The following CPLANE1 variants were observed in gnomAD, a reference collection of about 807,000 sequenced individuals.
The protein encoded by CPLANE1 is ciliogenesis and planar polarity effector 1.
In CPLANE1, 263 loss-of-function variants were observed where a neutral mutation model predicts 362.5. The observed-to-expected ratio is 0.73, with a 90% CI of 0.66 to 0.80. CPLANE1 has a LOEUF of 0.80. Among genes scored for constraint, CPLANE1 ranks in the 30% least tolerant of loss-of-function variants. The pLI is 0.00. For synonymous variants in CPLANE1, 1,212 were observed against 1,302.6 expected (o/e 0.93, Z 1.50); for missense variants, 3,461 against 3,793.4 (o/e 0.91, Z 2.30).
intron 48 of CPLANE1, 21 bp downstream of exon 48, chr5:37,122,409 G>T (rs1157400465): frequency 5.6e-6 from 9 of 1,602,784 alleles, no homozygotes; most frequent in Non-Finnish European, 6.0e-6. Context: ...GAAAACACAG[G>T]GTTACAGCTA....
chr5:37,244,816 C>G (rs764264441), intron 4 of CPLANE1, among the ~76,000 whole-genome samples: 2 of 151,946 alleles, frequency 1.3e-5, no homozygotes, highest in African/African-American at 4.8e-5. Flanking sequence ...GGAGACGGAT[C>G]GCTTTAGCCC....
chr5:37,127,621 C>T (rs1385209593), intron 46 of CPLANE1, among the ~76,000 whole-genome samples: 1 of 147,858 alleles, frequency 6.8e-6, no homozygotes, highest in Non-Finnish European at 1.5e-5. Context: ...CGGGTTTAAG[C>T]GATTCTCCTG....
intron 21 of CPLANE1, among the ~76,000 whole-genome samples, chr5:37,190,683 C>A (rs1263024836): frequency 6.6e-6 from 1 of 152,032 alleles, no homozygotes; most frequent in Admixed American, 6.5e-5. Flanking sequence ...TAGTCAGATG[C>A]CACATAATGG....
At chr5:37,162,133 T>C (rs1326148701) in intron 38 of CPLANE1, among the ~76,000 whole-genome samples, 1 of 152,222 alleles carries the variant, frequency 6.6e-6, no homozygotes, top group Non-Finnish European at 1.5e-5. Flanking sequence ...CTAGCTCACC[T>C]TCACTAGCCA....
chr5:37,195,962 G>C lies in CPLANE1; in HGVS notation c.3707C>G (p.Pro1236Arg), dbSNP rs1438970950. The stretch of plus-strand genomic sequence containing the variant: ...GTAATTAAGTAATGACTGAGGAAAA[G>C]GACTCAGTGAAGGAAGGGATCCTTT... ...RMKGSLPSLS[P>R]FPQSLLNYCK... The change falls in exon 21 of 53, where the codon CCT (proline) becomes CGT (arginine). Residue 1236 changes from proline (P) to arginine (R), a missense_variant. Physicochemically the swap from Pro to Arg is moderately radical, Grantham distance 103. Transcript: ENST00000651892. 4 of 1,609,122 alleles carry C rather than the reference G, an allele frequency of 2.5e-6. No individual in the cohort carries two copies. In the African/African-American group the frequency reaches 4.0e-5, roughly 16 times the overall value.
At chr5:37,247,194 G>A (rs1364549055) in intron 2 of CPLANE1, among the ~76,000 whole-genome samples, 1 of 152,070 alleles carries the variant, frequency 6.6e-6, no homozygotes, top group Non-Finnish European at 1.5e-5. Flanking sequence ...ACGTATTGTG[G>A]CCCATTTCTT....
At chr5:37,245,277 A>T (rs1739182311) in intron 4 of CPLANE1, among the ~76,000 whole-genome samples, 1 of 140,344 alleles carries the variant, frequency 7.1e-6, no homozygotes, top group Admixed American at 7.3e-5. Context: ...TCTCAGTATC[A>T]CAGATAAACA....
At chr5:37,186,166 A>G (rs1047836622) in intron 24 of CPLANE1, 120 bp downstream of exon 24, 5 of 573,338 alleles carry the variant, frequency 8.7e-6, no homozygotes, top group Non-Finnish European at 1.6e-5. Flanking sequence ...TCATACTCCT[A>G]TCTCAAGGAA....
At chr5:37,177,387 T>C (rs1781464042) in intron 30 of CPLANE1, among the ~76,000 whole-genome samples, 1 of 152,270 alleles carries the variant, frequency 6.6e-6, no homozygotes, top group Admixed American at 6.5e-5. Flanking sequence ...ATAAGGCTGA[T>C]AGTGATGAGA....
At chr5:37,115,072 T>C in intron 50 of CPLANE1, 23 bp from the exon 51 acceptor site, 2 of 1,418,058 alleles carry the variant, frequency 1.4e-6, no homozygotes, top group Non-Finnish European at 2.0e-6. Context: ...ACAAACATTA[T>C]TAGCCTTCCA....
chr5:37,141,656 T>G (rs969748090), intron 44 of CPLANE1: 28 of 982,404 alleles, frequency 2.9e-5, no homozygotes, highest in Non-Finnish European at 3.4e-5. Flanking sequence ...ATCATTTTAA[T>G]TGACCATCAA....
intron 27 of CPLANE1, among the ~76,000 whole-genome samples, chr5:37,180,458 TGATTG>T (rs1782385202): frequency 1.3e-5 from 2 of 152,214 alleles, no homozygotes; most frequent in Admixed American, 1.3e-4. Context: ...TTTACTCGAA[TGATTG>T]GAATAATTTC....
rs1757622556 is a variant in CPLANE1 at position 37,106,305 on chromosome 5, A to G, written c.*1297T>C. On this transcript the variant is annotated 3_prime_UTR_variant, in exon 53 of 53. Coordinates refer to ENST00000651892, the MANE Select transcript of CPLANE1 (RefSeq NM_001384732.1). ...GATATAGAATTGATATAAGTATCCA[A>G]CAATGGATAAATAGCTAGAAGAAAA... The G allele has an allele frequency of 6.5e-6, 1 of 153,074 alleles. No individual in the cohort carries two copies. The highest frequency in any genetic ancestry group is 1.5e-5 in the Non-Finnish European group (1 of 68,806). The allele number at this position is 153,074 out of a possible 1,614,324, so 9.5% of individuals were successfully genotyped here.
Position 37,122,466 on chromosome 5 carries a change from AT to A in CPLANE1, c.8980del (p.Ile2994Ter). Reference sequence around the variant, plus strand: ...ATGCTTCATCTTTTGTCTCAGCCTTATTTCCCTTGAAGTCATGTAAAGCTGC... The same window carrying A: ...ATGCTTCATCTTTTGTCTCAGCCTTATTCCCTTGAAGTCATGTAAAGCTGC... Reference protein sequence around the residue: ...SNPLYMTSREIRLRQKMKHEK... With the variant: ...SNPLYMTSREXRLRQKMKHEK... On this transcript the variant is annotated frameshift_variant, in exon 48 of 53. Transcript: ENST00000651892. LOFTEE classifies it high-confidence loss of function. 6.2e-7 allele frequency: 1 copy of A among 1,612,860 alleles called. No individual in the cohort carries two copies. Among genetic ancestry groups the A allele is most frequent in the Non-Finnish European group, 8.5e-7 (1 of 1,179,654 alleles).
At chr5:37,087,951 T>C in the CPLANE1 span, among the ~76,000 whole-genome samples, 1 of 151,982 alleles carries the variant, frequency 6.6e-6, no homozygotes, top group Non-Finnish European at 1.5e-5. Flanking sequence ...ATACAATGAG[T>C]TGTACGAACA....
chr5:37,214,496 A>AT (rs536118867), intron 15 of CPLANE1, among the ~76,000 whole-genome samples: 37 of 152,322 alleles, frequency 2.4e-4, no homozygotes, highest in Admixed American at 1.4e-3. Context: ...AATTATCAAA[A>AT]TTTACACAAA....
At chr5:37,240,775 T>C (rs1219192760) in intron 6 of CPLANE1, among the ~76,000 whole-genome samples, 1 of 152,190 alleles carries the variant, frequency 6.6e-6, no homozygotes, top group African/African-American at 2.4e-5. Flanking sequence ...ACCTGCAGAT[T>C]AGCTAAATAA....
intron 15 of CPLANE1, 58 bp downstream of exon 15, chr5:37,221,265 CA>C (rs1795293627): frequency 8.3e-7 from 1 of 1,211,962 alleles, no homozygotes; most frequent in Non-Finnish European, 1.1e-6. Context: ...GCCAGGCTGG[CA>C]ACATAGGGAG....
chr5:37,106,171 A>G (rs1757595798), downstream of CPLANE1: 1 of 152,226 alleles, frequency 6.6e-6, no homozygotes, highest in Non-Finnish European at 1.5e-5. Flanking sequence ...GAACTACCAT[A>G]TGATCTAGCA....
Sources: allele counts gnomAD v4.1 joint callset (sites outside exome capture counted in the v4.1 genomes callset), GRCh38; gene constraint gnomAD v4.1.1; transcripts MANE v1.5; gene names NCBI Gene and HGNC (gene_info 2026-07-23, HGNC 2026-07-21).